PCDHGA9: variants seen among roughly 807,000 people sequenced by gnomAD.
PCDHGA9 encodes the protein protocadherin gamma subfamily A, 9.
Under a neutral mutation model 62.5 loss-of-function variants are expected in PCDHGA9, and 37 were observed. The observed-to-expected ratio is 0.59, with a 90% CI of 0.46 to 0.78. The LOEUF is 0.78. Among genes scored for constraint, PCDHGA9 ranks in the 30% least tolerant of loss-of-function variants. The probability of loss-of-function intolerance (pLI) is 0.00; values close to 1 mark genes in which losing one functional copy is unlikely to be tolerated. For missense variants in PCDHGA9, 1,138 were observed against 1,166.2 expected, an observed-to-expected ratio of 0.98 and a Z score of 0.35; for synonymous variants, 459 against 484.6, an observed-to-expected ratio of 0.95 and a Z score of 0.69.
chr5:141,455,494 T>C (rs1223531150), intron 1 of PCDHGA9, among the ~76,000 whole-genome samples: 2 of 152,214 alleles, frequency 1.3e-5, no homozygotes, highest in African/African-American at 4.8e-5. Context: ...AGGTGATGTC[T>C]GATTTGCATA....
chr5:141,481,445 T>C (rs760413279), intron 1 of PCDHGA9, among the ~76,000 whole-genome samples: 2 of 152,260 alleles, frequency 1.3e-5, no homozygotes, highest in Non-Finnish European at 2.9e-5. Context: ...GTTTAGTACA[T>C]GTAAATACAC....
chr5:141,430,615 A>G, intron 1 of PCDHGA9: 1 of 686,990 alleles, frequency 1.5e-6, no homozygotes, highest in Non-Finnish European at 2.2e-6. Context: ...CAAAGCAGAT[A>G]GCTAGGAATG....
At chr5:141,441,655 C>A in intron 1 of PCDHGA9, 1 of 247,430 alleles carries the variant, frequency 4.0e-6, no homozygotes. Context: ...TTCTAGGTGT[C>A]CTTGAGCGCA....
At chr5:141,507,537 C>CA (rs140454890) in intron 3 of PCDHGA9, among the ~76,000 whole-genome samples, 3,617 of 152,286 alleles carry the variant, frequency 0.024, 53 homozygotes, top group East Asian at 0.043. Context: ...AGGCCAGAGA[C>CA]TGAGTATGAA....
chr5:141,403,680 C>A lies in PCDHGA9; in HGVS notation c.728C>A (p.Ala243Asp). The A allele has an allele frequency of 6.2e-7, 1 of 1,613,846 alleles. No homozygotes were observed. The highest frequency in any genetic ancestry group is 8.5e-7 in the Non-Finnish European group (1 of 1,179,860). ...ACAAATGATAATGCCCCGGTTTTTG[C>A]TCAACGGATTTACCGAGTTAAAGTC... ...LDTNDNAPVF[A>D]QRIYRVKVLE... The change falls in exon 1 of 4, where the codon GCT becomes GAT. Residue 243 changes from alanine to aspartate, a missense_variant. Physicochemically the swap from Ala to Asp is moderately radical, Grantham distance 126 (BLOSUM62 -2). Transcript: ENST00000573521.
chr5:141,405,039 C>T lies in PCDHGA9; in HGVS notation c.2087C>T (p.Ala696Val), dbSNP rs1227328278. ...ASDLTLYLVV[A>V]VAVVSCVFLT... is the part of the protein sequence containing the mutation. ...GACCTTACCCTCTACCTCGTTGTGG[C>T]TGTGGCAGTCGTCTCCTGTGTCTTC... The change falls in exon 1 of 4, where the codon GCT (alanine) becomes GTT (valine). Residue 696 changes from alanine (A) to valine (V), a missense_variant. Transcript: ENST00000573521. 2 of 1,613,880 alleles carry T rather than the reference C, an allele frequency of 1.2e-6. No individual in the cohort carries two copies. Among genetic ancestry groups the T allele is most frequent in the Non-Finnish European group, 1.7e-6 (2 of 1,179,866 alleles).
At chr5:141,426,678 T>C (rs2096951425) in intron 1 of PCDHGA9, 2 of 431,490 alleles carry the variant, frequency 4.6e-6, no homozygotes, top group Admixed American at 5.1e-5. Flanking sequence ...CCCACCTCAT[T>C]TTCCCCAAAA....
intron 1 of PCDHGA9, among the ~76,000 whole-genome samples, chr5:141,492,964 C>CT (rs2099745347): frequency 6.6e-6 from 1 of 152,354 alleles, no homozygotes; most frequent in Non-Finnish European, 1.5e-5. Context: ...ATCTGACACT[C>CT]TAACAAGTCC....
chr5:141,421,118 T>C (rs572827470), intron 1 of PCDHGA9: 2 of 771,948 alleles, frequency 2.6e-6, no homozygotes, highest in Non-Finnish European at 2.0e-6. Context: ...GTATTTTCCT[T>C]CGCTTTCTGA....
intron 1 of PCDHGA9, chr5:141,471,417 T>A (rs1174855045): frequency 6.6e-6 from 1 of 152,190 alleles, no homozygotes; most frequent in Non-Finnish European, 1.5e-5. Flanking sequence ...GTTATGTTTT[T>A]AGCAAGGAAA....
intron 1 of PCDHGA9, chr5:141,422,614 C>T (rs1207238896): frequency 6.2e-7 from 1 of 1,613,812 alleles, no homozygotes; most frequent in South Asian, 1.1e-5. Flanking sequence ...TGCCTACATT[C>T]CCGAAAACAA....
In PCDHGA9 at chr5:141,476,178, T is replaced by G; in HGVS notation, c.2425-18629T>G. Reference sequence around the variant, plus strand: ...ACCGGGAGGGTAGTGGGAGTTTTGCTTCTGCTTGGTGCCTTGAACAAGGCT... The same window carrying G: ...ACCGGGAGGGTAGTGGGAGTTTTGCGTCTGCTTGGTGCCTTGAACAAGGCT... On this transcript the variant is annotated intron_variant, in intron 1 of 3. Transcript: ENST00000573521. This position sits in a 1 kb window ranked among gnomAD's most constrained non-coding sequence, Gnocchi z 7.6. The G allele has an allele frequency of 3.1e-6, 5 of 1,613,632 alleles. No homozygotes were observed. Among genetic ancestry groups the G allele is most frequent in the Non-Finnish European group, 4.2e-6 (5 of 1,180,000 alleles).
chr5:141,465,502 G>A (rs948827391), intron 1 of PCDHGA9, among the ~76,000 whole-genome samples: 6 of 152,268 alleles, frequency 3.9e-5, no homozygotes, highest in Admixed American at 2.0e-4. Context: ...GAGCATTGTC[G>A]TGGTCAGGAA....
chr5:141,413,431 G>C (rs963192857), intron 1 of PCDHGA9: 1 of 1,614,092 alleles, frequency 6.2e-7, no homozygotes, highest in Non-Finnish European at 8.5e-7. Flanking sequence ...CCCGCGCAGC[G>C]GCAGCTTGAT....
Position 141,489,575 on chromosome 5 carries a change from AC to A in PCDHGA9, c.2425-5227del. On this transcript the variant is annotated intron_variant, in intron 1 of 3. Coordinates refer to ENST00000573521, the MANE Select transcript of PCDHGA9 (RefSeq NM_018921.3). This position sits in a 1 kb window ranked among gnomAD's most constrained non-coding sequence, Gnocchi z 4.5. ...CTGCCAGTGCAGGTGGTGACTGAAC[AC>A]CCCCTGGAGCTAATCCGTGTAGAGG... 1 of 1,613,788 alleles carries A rather than the reference AC, an allele frequency of 6.2e-7. No individual in the cohort carries two copies. Among genetic ancestry groups the A allele is most frequent in the Middle Eastern group, 1.6e-4 (1 of 6,062 alleles).
intron 1 of PCDHGA9, among the ~76,000 whole-genome samples, chr5:141,435,444 A>T (rs1471113812): frequency 1.3e-5 from 2 of 152,216 alleles, no homozygotes; most frequent in South Asian, 2.1e-4. Context: ...TTTCATTAAT[A>T]CGATATCTGT....
chr5:141,478,347 C>T, intron 1 of PCDHGA9: 2 of 1,613,802 alleles, frequency 1.2e-6, no homozygotes, highest in Non-Finnish European at 1.7e-6. Context: ...TCCTTGCACG[C>T]GGACGCCGTG....
chr5:141,511,276 T>A lies in PCDHGA9; in HGVS notation c.*103T>A. ...AGAGTTTCAGGGCTAACCCCCAGAA[T>A]ACTGGTAGGGGCCAAGGCCATGCTC... On this transcript the variant is annotated 3_prime_UTR_variant, in exon 4 of 4. Coordinates refer to ENST00000573521, the MANE Select transcript of PCDHGA9 (RefSeq NM_018921.3). 6.5e-7 allele frequency: 1 copy of A among 1,538,086 alleles called. No homozygotes were observed. Among genetic ancestry groups the A allele is most frequent in the Non-Finnish European group, 8.8e-7 (1 of 1,140,722 alleles).
rs1173306822 is a variant in PCDHGA9, at chr5:141,431,115, T to G, written c.2424+25739T>G. The G allele has an allele frequency of 6.2e-7, 1 of 1,613,608 alleles. No homozygotes were observed. Among genetic ancestry groups the G allele is most frequent in the East Asian group, 2.2e-5 (1 of 44,840 alleles). ...GAGGATAAAGTGAAAATATATGGAG[T>G]AGAAGTAGAAGTAAGGGACATTAAC... On this transcript the variant is annotated intron_variant, in intron 1 of 3. Transcript: ENST00000573521. This position sits in a 1 kb window ranked among gnomAD's most constrained non-coding sequence, Gnocchi z 4.8.
Sources: gnomAD v4.1 joint callset for allele counts (sites outside exome capture counted in the v4.1 genomes callset) on GRCh38, gnomAD v4.1.1 for gene constraint, Gnocchi (gnomAD v3.1) non-coding constraint, MANE v1.5 for transcripts, NCBI Gene and HGNC (gene_info 2026-07-23, HGNC 2026-07-21) for gene names.